SLC6A13: variants seen among roughly 807,000 people sequenced by gnomAD.
SLC6A13 encodes solute carrier family 6 member 13.
Under a neutral mutation model 72.9 loss-of-function variants are expected in SLC6A13, and 69 were observed. The observed-to-expected ratio is 0.95, with a 90% CI of 0.78 to 1.16. The LOEUF (loss-of-function observed/expected upper bound fraction) is 1.16. Among genes scored for constraint, SLC6A13 ranks in the 50% most tolerant of loss-of-function variants. The pLI is 0.00. For synonymous variants in SLC6A13, 303 were observed against 303.0 expected, an observed-to-expected ratio of 1.00 and a Z score of 0.00; for missense variants, 735 against 760.5, an observed-to-expected ratio of 0.97 and a Z score of 0.39.
intron 13 of SLC6A13, among the ~76,000 whole-genome samples, chr12:222,084 GT>G (rs1375955193): frequency 1.3e-5 from 2 of 152,184 alleles, no homozygotes; most frequent in African/African-American, 4.8e-5. Context: ...TTCAACCTCA[GT>G]TTCATCTGTA....
intron 9 of SLC6A13, among the ~76,000 whole-genome samples, chr12:224,741 A>C (rs1326206969): frequency 6.6e-6 from 1 of 152,192 alleles, no homozygotes; most frequent in South Asian, 2.1e-4. Flanking sequence ...CAAGAACAGA[A>C]TCTAGAGACG....
intron 2 of SLC6A13, chr12:259,471 T>C: frequency 7.9e-7 from 1 of 1,269,326 alleles, no homozygotes; most frequent in Non-Finnish European, 1.0e-6. Flanking sequence ...TTGTCTCTAA[T>C]CCTTACAATG....
chr12:226,290 C>T (rs1308385057), intron 9 of SLC6A13, 100 bp downstream of exon 9: 1 of 1,444,084 alleles, frequency 6.9e-7, no homozygotes, highest in African/African-American at 1.4e-5. Flanking sequence ...GGCCGTAGCT[C>T]ACCCAGAGTG....
At chr12:229,751 G>T (rs976820779) in intron 7 of SLC6A13, among the ~76,000 whole-genome samples, 4 of 152,330 alleles carry the variant, frequency 2.6e-5, no homozygotes, top group Non-Finnish European at 1.5e-5. Context: ...ACTGGGCCAT[G>T]AATTACCAAG....
chr12:262,653 G>T, intron 1 of SLC6A13, 136 bp downstream of exon 1: 1 of 981,774 alleles, frequency 1.0e-6, no homozygotes, highest in Non-Finnish European at 1.2e-6. Flanking sequence ...CTTTGCATTT[G>T]CACACATACA....
intron 6 of SLC6A13, chr12:236,757 C>G (rs1941945978): frequency 6.4e-6 from 1 of 157,178 alleles, no homozygotes; most frequent in South Asian, 2.0e-4. Flanking sequence ...TCAGAATGCC[C>G]TCTTTGCTCC....
Position 220,626 on chromosome 12 carries a change from C to T in SLC6A13, c.*322G>A, listed in dbSNP as rs188459854. ...ATCAGACAGAACCGCTAGCAGTCAG[C>T]GGGAAGAATGTGGATTTAATGGAAT... On this transcript the variant is annotated 3_prime_UTR_variant, in exon 15 of 15. Coordinates refer to ENST00000343164, the MANE Select transcript of SLC6A13 (RefSeq NM_016615.5). 52 of 313,548 alleles carry T rather than the reference C, an allele frequency of 1.7e-4. No individual in the cohort carries two copies. The Middle Eastern group carries it at 6.2e-3, about 38-fold the overall frequency. The allele number at this position is 313,548 out of a possible 1,614,324, so 19.4% of individuals were successfully genotyped here. A position where few individuals can be genotyped will look rare whatever the true frequency, so the allele number is the denominator to read the frequency against.
At chr12:261,807 T>C (rs1403967680) in intron 1 of SLC6A13, among the ~76,000 whole-genome samples, 3 of 151,726 alleles carry the variant, frequency 2.0e-5, no homozygotes, top group African/African-American at 7.3e-5. Flanking sequence ...GCACCTGTAA[T>C]CCCAGCTACT....
In SLC6A13 at chr12:224,750, C is replaced by T. The variant is rs187663703; in HGVS notation, c.1061-237G>A. ...TACTGGCAAGAACAGAATCTAGAGA[C>T]GGTAGGTGTAGAGGGCTGTGGGTCT... On this transcript the variant is annotated intron_variant, in intron 9 of 14. Transcript: ENST00000343164. Among the ~76,000 whole-genome samples, 15 of 151,296 alleles carry T rather than the reference C, an allele frequency of 9.9e-5. No homozygotes were observed. In the East Asian group the frequency reaches 1.4e-3, roughly 14 times the overall value.
At chr12:241,150 A>G (rs758205712) in intron 4 of SLC6A13, among the ~76,000 whole-genome samples, 3 of 152,066 alleles carry the variant, frequency 2.0e-5, no homozygotes, top group Non-Finnish European at 4.4e-5. Flanking sequence ...CTAAAAATAC[A>G]AAAATTAGCC....
intron 2 of SLC6A13, among the ~76,000 whole-genome samples, chr12:251,713 G>A (rs182147529): frequency 6.6e-6 from 1 of 152,166 alleles, no homozygotes; most frequent in Non-Finnish European, 1.5e-5. Context: ...AGCACTTTGG[G>A]AGGCCAAGGC....
In SLC6A13 at chr12:235,172, A is replaced by T. The variant is rs752769976; in HGVS notation, c.749T>A (p.Ile250Asn). Residue 250 changes from isoleucine (I) to asparagine (N), a missense_variant, in exon 7 of 15, where the codon ATT (isoleucine) becomes AAT (asparagine). Ile to Asn is a moderately radical substitution (Grantham distance 149). Coordinates refer to ENST00000343164, the MANE Select transcript of SLC6A13 (RefSeq NM_016615.5). ...TGCCCCAGGCAACGTCACCCCTCGA[A>T]TTAACAGGACCACCAGCATGAGGTA... ...FPYLMLVVLLIRGVTLPGAAQ... is the reference protein window; with the variant it reads ...FPYLMLVVLLNRGVTLPGAAQ... The T allele has an allele frequency of 6.2e-7, 1 of 1,614,220 alleles. No individual in the cohort carries two copies.
At position 220,660 on chromosome 12, in the gene SLC6A13, A is replaced by T; in HGVS notation, c.*288T>A. The T allele has an allele frequency of 2.6e-6, 1 of 391,784 alleles. No individual in the cohort carries two copies. The highest frequency in any genetic ancestry group is 4.7e-6 in the Non-Finnish European group (1 of 211,770). The allele number at this position is 391,784 out of a possible 1,614,324, so 24.3% of individuals were successfully genotyped here. ...TGTGGATTTAATGGAATGAAGGATG[A>T]GAGGGCCCGAAGCCAGCAAGTCTCG... On this transcript the variant is annotated 3_prime_UTR_variant, in exon 15 of 15. Coordinates refer to ENST00000343164, the MANE Select transcript of SLC6A13 (RefSeq NM_016615.5).
At chr12:259,823 T>A (rs1014661243) in intron 2 of SLC6A13, 28 bp downstream of exon 2, 1 of 1,614,018 alleles carries the variant, frequency 6.2e-7, no homozygotes, top group Non-Finnish European at 8.5e-7. Flanking sequence ...CAGGAGTGGG[T>A]GGGGTGGCAC....
chr12:258,384 T>C (rs146165749), intron 2 of SLC6A13, among the ~76,000 whole-genome samples: 2 of 152,300 alleles, frequency 1.3e-5, no homozygotes, highest in African/African-American at 2.4e-5. Flanking sequence ...TCTAAAATCA[T>C]TGTGAGACTC....
At chr12:251,168 A>C (rs913840115) in intron 2 of SLC6A13, among the ~76,000 whole-genome samples, 8 of 151,982 alleles carry the variant, frequency 5.3e-5, no homozygotes, top group East Asian at 1.9e-4. Flanking sequence ...AAAAAAACAA[A>C]AAAAAAAAAC....
intron 2 of SLC6A13, among the ~76,000 whole-genome samples, chr12:249,155 A>C (rs912810730): frequency 9.2e-5 from 14 of 152,220 alleles, no homozygotes; most frequent in African/African-American, 3.4e-4. Context: ...TAAATGATAA[A>C]AGAAGAAAAG....
chr12:260,296 C>T (rs1942885829), intron 1 of SLC6A13, among the ~76,000 whole-genome samples: 1 of 152,166 alleles, frequency 6.6e-6, no homozygotes, highest in South Asian at 2.1e-4. Flanking sequence ...GACAGACAGC[C>T]TTTGCTTCCA....
chr12:223,526 T>C (rs1941308275), intron 11 of SLC6A13, among the ~76,000 whole-genome samples: 1 of 152,074 alleles, frequency 6.6e-6, no homozygotes, highest in South Asian at 2.1e-4. Context: ...ACATAGAGTG[T>C]ACTCTTTGGG....
Sources: gnomAD v4.1 joint callset for allele counts (sites outside exome capture counted in the v4.1 genomes callset) on GRCh38, gnomAD v4.1.1 for gene constraint, MANE v1.5 for transcripts, NCBI Gene and HGNC (gene_info 2026-07-23, HGNC 2026-07-21) for gene names.